CSMD1: variants seen among roughly 807,000 people sequenced by gnomAD.
CSMD1 encodes the protein CUB and sushi domain-containing protein 1.
CSMD1 carries 213 observed loss-of-function variants against 417.5 expected under a neutral mutation model. That is an observed-to-expected ratio of 0.51 (90% CI 0.46 to 0.57). CSMD1 has a LOEUF of 0.57. CSMD1 is among the 20% of genes least tolerant of loss of function. CSMD1 has a pLI of 0.00. For synonymous variants in CSMD1, 2,862 were observed against 1,736.8 expected (o/e 1.65, Z -16.11); for missense variants, 6,923 against 4,529.7 (o/e 1.53, Z -15.17).
chr8:3,642,018 C>T (rs75710074), intron 7 of CSMD1, among the ~76,000 whole-genome samples: 2,502 of 152,220 alleles, frequency 0.016, 73 homozygotes, highest in African/African-American at 0.054. Flanking sequence ...AGGTTTCCCC[C>T]TCACCACATC....
At chr8:4,891,404 A>G (rs1234291366) in intron 1 of CSMD1, among the ~76,000 whole-genome samples, 6 of 152,302 alleles carry the variant, frequency 3.9e-5, no homozygotes, top group Middle Eastern at 6.8e-3. Flanking sequence ...AGGTTGGTAC[A>G]TTGAGCTTTC....
At chr8:4,000,285 T>A (rs1815566317) in intron 4 of CSMD1, among the ~76,000 whole-genome samples, 1 of 152,136 alleles carries the variant, frequency 6.6e-6, no homozygotes, top group African/African-American at 2.4e-5. Context: ...CCTGGTCAAC[T>A]GAGAACCAGC....
At chr8:4,495,918 AT>A (rs1296428752) in intron 2 of CSMD1, among the ~76,000 whole-genome samples, 2 of 152,152 alleles carry the variant, frequency 1.3e-5, no homozygotes, top group Non-Finnish European at 2.9e-5. Flanking sequence ...CCAGGTTAGG[AT>A]AAATTCTATA....
rs569381514 is a variant in CSMD1 at position 3,315,532 on chromosome 8, C to G, written c.3632-7029G>C. Among the ~76,000 whole-genome samples, 5 of 151,500 alleles carry G rather than the reference C, an allele frequency of 3.3e-5. No homozygotes were observed. The South Asian group carries it at 6.3e-4, about 19-fold the overall frequency. ...AGATGCTATTGTTTTCAAATTGAGT[C>G]CTCTTGTTAGCTACTATTTTCATTT... On this transcript the variant is annotated intron_variant, in intron 23 of 69. Coordinates refer to ENST00000635120, the MANE Select transcript of CSMD1 (RefSeq NM_033225.6).
At chr8:4,890,234 C>T (rs542307339) in intron 1 of CSMD1, among the ~76,000 whole-genome samples, 71 of 152,188 alleles carry the variant, frequency 4.7e-4, no homozygotes, top group Middle Eastern at 6.8e-3. Flanking sequence ...TGGAAGAAGA[C>T]TGAAGCAGCA....
chr8:4,620,121 G>C (rs1801688592), intron 2 of CSMD1, among the ~76,000 whole-genome samples: 1 of 151,794 alleles, frequency 6.6e-6, no homozygotes, highest in South Asian at 2.1e-4. Flanking sequence ...AGTTATAGGA[G>C]TATACATTTT....
At chr8:3,209,687 A>G (rs1383366608) in intron 30 of CSMD1, among the ~76,000 whole-genome samples, 5 of 152,176 alleles carry the variant, frequency 3.3e-5, no homozygotes, top group Admixed American at 6.5e-5. Flanking sequence ...GGTGCTTCTC[A>G]CCTTAGAAGT....
chr8:4,010,361 A>T (rs1054256117), intron 4 of CSMD1, among the ~76,000 whole-genome samples: 9 of 152,134 alleles, frequency 5.9e-5, no homozygotes, highest in Non-Finnish European at 1.0e-4. Context: ...TTCCAAGAAG[A>T]TTTAAACTTC....
At chr8:3,154,962 A>C (rs1819427675) in intron 39 of CSMD1, among the ~76,000 whole-genome samples, 1 of 152,186 alleles carries the variant, frequency 6.6e-6, no homozygotes, top group African/African-American at 2.4e-5. Flanking sequence ...TCTGTCTTTG[A>C]GATTTATCAT....
chr8:3,535,223 G>A (rs561051141), intron 10 of CSMD1, among the ~76,000 whole-genome samples: 15 of 152,190 alleles, frequency 9.9e-5, no homozygotes, highest in South Asian at 2.1e-4. Flanking sequence ...CAAGCTCTAG[G>A]ATTACAGGCA....
intron 3 of CSMD1, among the ~76,000 whole-genome samples, chr8:4,409,750 G>A (rs1394164737): frequency 6.6e-6 from 1 of 151,400 alleles, no homozygotes; most frequent in Non-Finnish European, 1.5e-5. Context: ...ATTAGCACAG[G>A]GCATAACTGT....
intron 50 of CSMD1, among the ~76,000 whole-genome samples, chr8:3,038,498 T>C (rs537236251): frequency 2.7e-4 from 40 of 148,770 alleles, no homozygotes; most frequent in African/African-American, 8.2e-4. Context: ...TTTGAAAAGA[T>C]TGTTTCCTTA....
At chr8:4,274,553 T>C (rs1796367875) in intron 3 of CSMD1, among the ~76,000 whole-genome samples, 1 of 152,186 alleles carries the variant, frequency 6.6e-6, no homozygotes, top group Non-Finnish European at 1.5e-5. Flanking sequence ...TCTGTGTTTA[T>C]AGGGAAGGCC....
chr8:4,563,033 G>C (rs1265019981), intron 2 of CSMD1, among the ~76,000 whole-genome samples: 1 of 152,142 alleles, frequency 6.6e-6, no homozygotes, highest in African/African-American at 2.4e-5. Flanking sequence ...TTTAAACAGT[G>C]TTTTATTTGT....
chr8:4,816,408 T>C (rs545191891), intron 1 of CSMD1, among the ~76,000 whole-genome samples: 13 of 151,948 alleles, frequency 8.6e-5, no homozygotes, highest in African/African-American at 3.1e-4. Context: ...TGTGGGGTGG[T>C]GGAGTGAGGG....
chr8:3,711,992 A>C (rs1199507479), intron 6 of CSMD1, among the ~76,000 whole-genome samples: 1 of 152,244 alleles, frequency 6.6e-6, no homozygotes, highest in Non-Finnish European at 1.5e-5. Flanking sequence ...GACCTATCTG[A>C]AAGCTGGATG....
chr8:4,236,338 A>C (rs900096770), intron 3 of CSMD1, among the ~76,000 whole-genome samples: 5 of 152,114 alleles, frequency 3.3e-5, no homozygotes, highest in Admixed American at 2.6e-4. Context: ...TTAGTGCATG[A>C]GTCACACAAA....
chr8:4,156,950 C>G (rs1433858207), intron 3 of CSMD1, among the ~76,000 whole-genome samples: 2 of 152,084 alleles, frequency 1.3e-5, no homozygotes, highest in African/African-American at 4.8e-5. Context: ...ATCTATCCAA[C>G]CAACTTTGCA....
chr8:3,948,080 C>A (rs1811358608), intron 5 of CSMD1, among the ~76,000 whole-genome samples: 1 of 152,074 alleles, frequency 6.6e-6, no homozygotes. Context: ...GTGGCAAGTG[C>A]CTTTAATCCC....
Sources: allele counts gnomAD v4.1 joint callset (sites outside exome capture counted in the v4.1 genomes callset), GRCh38; gene constraint gnomAD v4.1.1; transcripts MANE v1.5; gene names NCBI Gene and HGNC (gene_info 2026-07-23, HGNC 2026-07-21).